KIF2A: variants seen among roughly 807,000 people sequenced by gnomAD.
KIF2A encodes kinesin-like protein KIF2A.
Under a neutral mutation model 100.2 loss-of-function variants are expected in KIF2A, and 22 were observed. The observed-to-expected ratio is 0.22, with a 90% CI of 0.16 to 0.31. The LOEUF is 0.31. Ranked by LOEUF, KIF2A falls within the 10% of genes least tolerant of loss-of-function variation. KIF2A has a pLI of 1.00. For missense variants in KIF2A, 495 were observed against 898.7 expected (o/e 0.55, Z 5.74); for synonymous variants, 268 against 285.9 (o/e 0.94, Z 0.63).
intron 1 of KIF2A, among the ~76,000 whole-genome samples, chr5:62,336,747 A>G (rs1263177622): frequency 6.6e-6 from 1 of 152,220 alleles, no homozygotes; most frequent in Non-Finnish European, 1.5e-5. Context: ...AAAAACAGTA[A>G]AATATGCCCA....
intron 1 of KIF2A, among the ~76,000 whole-genome samples, 155 bp downstream of exon 1, chr5:62,306,691 A>G (rs1027184111): frequency 2.6e-5 from 4 of 151,924 alleles, no homozygotes; most frequent in Non-Finnish European, 4.4e-5. Flanking sequence ...CGTGTGTGCC[A>G]GTGAGGCCGG....
At chr5:62,379,884 G>C (rs114334260) in intron 19 of KIF2A, among the ~76,000 whole-genome samples, 1,634 of 152,176 alleles carry the variant, frequency 0.011, 36 homozygotes, top group African/African-American at 0.038. Context: ...AATTCAGAAA[G>C]ATCTGGTCTT....
chr5:62,361,178 C>A, intron 9 of KIF2A, 64 bp from the exon 10 acceptor site: 1 of 785,560 alleles, frequency 1.3e-6, no homozygotes, highest in South Asian at 1.8e-5. Flanking sequence ...TTGTATTACT[C>A]AGCATTACTA....
At chr5:62,314,758 G>GT (rs34987605) in intron 1 of KIF2A, among the ~76,000 whole-genome samples, 33,063 of 100,394 alleles carry the variant, frequency 0.33, 6,029 homozygotes, top group East Asian at 0.49. Context: ...AGAATGAACT[G>GT]TTTTTTTTTT....
chr5:62,364,151 GT>G (rs760117138), intron 14 of KIF2A, among the ~76,000 whole-genome samples: 224 of 143,012 alleles, frequency 1.6e-3, no homozygotes, highest in African/African-American at 2.3e-3. Flanking sequence ...AACTCCAGAG[GT>G]TTTTTTTTTT....
rs1742054973 is a variant in KIF2A, at chr5:62,386,878, G to C, written c.*1309G>C. Among the ~76,000 whole-genome samples the C allele has an allele frequency of 6.6e-6, 1 of 152,224 alleles. No individual in the cohort carries two copies. Among genetic ancestry groups the C allele is most frequent in the African/African-American group, 2.4e-5 (1 of 41,464 alleles). ...ATGTAAATATTTTGTTCAAAGATTTGTATATCTCTCTAGGAGTTTTCCCTC... is the reference window on the plus strand; with the variant it reads ...ATGTAAATATTTTGTTCAAAGATTTCTATATCTCTCTAGGAGTTTTCCCTC... On this transcript the variant is annotated 3_prime_UTR_variant, in exon 21 of 21. Transcript: ENST00000407818.
chr5:62,366,317 C>A (rs1427956734), intron 15 of KIF2A, 97 bp from the exon 16 acceptor site: 22 of 714,826 alleles, frequency 3.1e-5, no homozygotes, highest in Non-Finnish European at 5.4e-5. Context: ...TTTTAAATAA[C>A]CATGGTAAGA....
intron 17 of KIF2A, among the ~76,000 whole-genome samples, 157 bp from the exon 18 acceptor site, chr5:62,373,530 T>C (rs1459321171): frequency 2.0e-5 from 3 of 152,194 alleles, no homozygotes; most frequent in African/African-American, 7.2e-5. Context: ...AACAACCACT[T>C]AAGTGTTTCT....
At chr5:62,374,498 G>A (rs1431168111) in intron 18 of KIF2A, among the ~76,000 whole-genome samples, 1 of 151,290 alleles carries the variant, frequency 6.6e-6, no homozygotes, top group Non-Finnish European at 1.5e-5. Flanking sequence ...AAAATTTAAA[G>A]TAATATAGGG....
intron 1 of KIF2A, among the ~76,000 whole-genome samples, chr5:62,328,781 C>T (rs264531): frequency 0.51 from 78,063 of 152,090 alleles, 20,969 homozygotes; most frequent in South Asian, 0.65. Context: ...CGTGAGCCAC[C>T]GTGCCCGGCC....
intron 5 of KIF2A, 48 bp downstream of exon 5, chr5:62,352,758 ATTCTCTC>A (rs1157688748): frequency 4.6e-6 from 7 of 1,527,238 alleles, no homozygotes; most frequent in Non-Finnish European, 6.3e-6. Context: ...GCATACATGT[ATTCTCTC>A]TTGGTCATCC....
chr5:62,310,791 C>G (rs1745518478), intron 1 of KIF2A, among the ~76,000 whole-genome samples: 1 of 152,152 alleles, frequency 6.6e-6, no homozygotes, highest in Non-Finnish European at 1.5e-5. Context: ...TTTTCTGATT[C>G]AATTCCTTTC....
At chr5:62,347,947 A>G in intron 2 of KIF2A, 101 bp from the exon 3 acceptor site, 1 of 1,311,326 alleles carries the variant, frequency 7.6e-7, no homozygotes. Context: ...CATTAGGCTA[A>G]AGTAATTTAA....
At position 62,306,220 on chromosome 5, in the gene KIF2A, C is replaced by A. The variant is rs1371925121; in HGVS notation, c.-253C>A. ...CGGGCCCTCCCACTCTACCCCGCGC[C>A]GTCTCACGGCCCCGGCCCTAGCTTC... On this transcript the variant is annotated 5_prime_UTR_variant, in exon 1 of 21. Transcript: ENST00000407818. 5 of 457,456 alleles carry A rather than the reference C, an allele frequency of 1.1e-5. No individual in the cohort carries two copies. The highest frequency in any genetic ancestry group is 9.8e-5 in the South Asian group (3 of 30,738). 28.3% of individuals were successfully genotyped at this position (457,456 alleles called of 1,614,324 possible). A position where few individuals can be genotyped will look rare whatever the true frequency, so the allele number is the denominator to read the frequency against.
In KIF2A at chr5:62,352,574, T is replaced by G. The variant is rs1435236953; in HGVS notation, c.335-14T>G. The G allele has an allele frequency of 1.3e-6, 2 of 1,508,568 alleles. No homozygotes were observed. 93.4% of individuals were successfully genotyped at this position (1,508,568 alleles called of 1,614,324 possible). A position where few individuals can be genotyped will look rare whatever the true frequency, so the allele number is the denominator to read the frequency against. On this transcript the variant is annotated splice_polypyrimidine_tract_variant and intron_variant, in intron 4 of 20. Coordinates refer to ENST00000407818, the MANE Select transcript of KIF2A (RefSeq NM_001098511.3). Reference sequence around the variant, plus strand: ...TTCTATCCTGAATTTAAAATTTTTTTTTTTTACTTACAGTGGTTGGTTCAG... The same window carrying G: ...TTCTATCCTGAATTTAAAATTTTTTGTTTTTACTTACAGTGGTTGGTTCAG...
intron 7 of KIF2A, among the ~76,000 whole-genome samples, 185 bp from the exon 8 acceptor site, chr5:62,357,506 T>G (rs1580070314): frequency 1.3e-5 from 2 of 152,328 alleles, no homozygotes; most frequent in African/African-American, 4.8e-5. Context: ...ACACTCAGAA[T>G]TTTAGAAGTA....
intron 1 of KIF2A, among the ~76,000 whole-genome samples, chr5:62,346,831 T>TTTC (rs544896675): frequency 6.8e-4 from 103 of 152,368 alleles, no homozygotes; most frequent in South Asian, 1.4e-3. Flanking sequence ...ATTAGAACTG[T>TTTC]TTAACAGTTT....
At chr5:62,363,669 T>G (rs181285127) in intron 13 of KIF2A, 26 bp from the exon 14 acceptor site, 1,383 of 1,595,124 alleles carry the variant, frequency 8.7e-4, no homozygotes, top group Non-Finnish European at 1.1e-3. Context: ...TTTTAATGTA[T>G]CAAGATGTCC....
At chr5:62,364,912 TG>T (rs1740995966) in intron 14 of KIF2A, among the ~76,000 whole-genome samples, 4 of 152,112 alleles carry the variant, frequency 2.6e-5, no homozygotes, top group Admixed American at 2.6e-4. Context: ...CTGGTCAGCA[TG>T]GTGAAACCCC....
Sources: gnomAD v4.1 joint callset for allele counts (sites outside exome capture counted in the v4.1 genomes callset) on GRCh38, gnomAD v4.1.1 for gene constraint, MANE v1.5 for transcripts, NCBI Gene and HGNC (gene_info 2026-07-23, HGNC 2026-07-21) for gene names.